The following BMPR2 variants were observed in gnomAD, a reference collection of about 807,000 sequenced individuals.
BMPR2 encodes the protein bone morphogenetic protein receptor type-2.
Under a neutral mutation model 100.8 loss-of-function variants are expected in BMPR2, and 29 were observed. The ratio of observed to expected loss-of-function variants is 0.29; its 90% CI spans 0.21 to 0.39. BMPR2 has a LOEUF of 0.39. Among genes scored for constraint, BMPR2 ranks in the 10% least tolerant of loss-of-function variants. The pLI is 1.00. For synonymous variants in BMPR2, 382 were observed against 442.3 expected, an observed-to-expected ratio of 0.86 and a Z score of 1.71; for missense variants, 1,011 against 1,274.5, an observed-to-expected ratio of 0.79 and a Z score of 3.15.
chr2:202,399,819 G>A (rs561518372), intron 1 of BMPR2, among the ~76,000 whole-genome samples: 36 of 152,290 alleles, frequency 2.4e-4, no homozygotes, highest in African/African-American at 8.2e-4. Flanking sequence ...GATTTAGAGT[G>A]TATAGTTGAG....
intron 3 of BMPR2, among the ~76,000 whole-genome samples, chr2:202,485,131 C>G (rs1300399643): frequency 6.6e-6 from 1 of 151,786 alleles, no homozygotes; most frequent in African/African-American, 2.4e-5. Context: ...CCAGCCAATG[C>G]CCTAATAGTT....
At chr2:202,513,362 A>G (rs1687657375) in intron 3 of BMPR2, among the ~76,000 whole-genome samples, 1 of 152,184 alleles carries the variant, frequency 6.6e-6, no homozygotes, top group Non-Finnish European at 1.5e-5. Flanking sequence ...ATTTTTATAA[A>G]TGAGGAAATT....
intron 1 of BMPR2, among the ~76,000 whole-genome samples, chr2:202,424,920 C>A (rs1691355253): frequency 6.6e-6 from 1 of 151,828 alleles, no homozygotes; most frequent in South Asian, 2.1e-4. Context: ...AAATTTAAGA[C>A]AACTTCAAGA....
intron 1 of BMPR2, among the ~76,000 whole-genome samples, chr2:202,415,523 GGCTTCAAA>G (rs1337350520): frequency 8.5e-5 from 13 of 152,120 alleles, no homozygotes; most frequent in African/African-American, 3.1e-4. Flanking sequence ...ATCAATGCCT[GGCTTCAAA>G]GCTTCAAAGG....
intron 1 of BMPR2, among the ~76,000 whole-genome samples, chr2:202,408,123 G>A (rs1347006010): frequency 6.6e-6 from 1 of 152,066 alleles, no homozygotes; most frequent in Non-Finnish European, 1.5e-5. Flanking sequence ...GTGAGCCACC[G>A]TGCCTGGGCT....
At chr2:202,546,489 C>A (rs1256571303) in intron 10 of BMPR2, among the ~76,000 whole-genome samples, 1 of 152,146 alleles carries the variant, frequency 6.6e-6, no homozygotes, top group African/African-American at 2.4e-5. Flanking sequence ...AAATGTTAAA[C>A]CATAGTTATC....
chr2:202,451,133 G>A (rs1691970334), intron 1 of BMPR2, among the ~76,000 whole-genome samples: 1 of 152,166 alleles, frequency 6.6e-6, no homozygotes, highest in African/African-American at 2.4e-5. Context: ...TGGGTGTTAT[G>A]TGACTCTTGT....
chr2:202,476,278 G>C (rs1370475555), intron 3 of BMPR2, among the ~76,000 whole-genome samples: 1 of 151,822 alleles, frequency 6.6e-6, no homozygotes. Context: ...CTCTCTTCCT[G>C]CCTTAACTGT....
At chr2:202,383,958 C>T (rs1044746259) in intron 1 of BMPR2, among the ~76,000 whole-genome samples, 14 of 151,814 alleles carry the variant, frequency 9.2e-5, no homozygotes, top group South Asian at 4.2e-4. Flanking sequence ...GATCAACTGA[C>T]GTTAGGAGTT....
chr2:202,492,700 C>CAAAAAAAAA (rs1166246933), intron 3 of BMPR2, among the ~76,000 whole-genome samples: 1 of 52,810 alleles, frequency 1.9e-5, no homozygotes, highest in Non-Finnish European at 3.1e-5. Context: ...AGCTCTGTCT[C>CAAAAAAAAA]AAAAAAAAAA....
At chr2:202,542,592 T>C in intron 10 of BMPR2, 145 bp downstream of exon 10, 2 of 1,073,280 alleles carry the variant, frequency 1.9e-6, no homozygotes, top group South Asian at 3.1e-5. Flanking sequence ...TATGATGTTT[T>C]CAAATTTTTC....
intron 10 of BMPR2, among the ~76,000 whole-genome samples, chr2:202,543,631 T>A (rs1325929891): frequency 2.0e-5 from 3 of 152,118 alleles, no homozygotes; most frequent in Non-Finnish European, 4.4e-5. Context: ...TCTTTTGGGT[T>A]TTTTCTCTTC....
chr2:202,412,599 G>A (rs970833419), intron 1 of BMPR2, among the ~76,000 whole-genome samples: 5 of 152,144 alleles, frequency 3.3e-5, no homozygotes, highest in Non-Finnish European at 7.4e-5. Context: ...GATTACAGGC[G>A]TGAGCCACCG....
intron 1 of BMPR2, among the ~76,000 whole-genome samples, chr2:202,464,196 T>C (rs45442097): frequency 0.16 from 23,956 of 150,008 alleles, 2,317 homozygotes; most frequent in Middle Eastern, 0.23. Flanking sequence ...TTTTTTTTAT[T>C]GAAGTATAAT....
chr2:202,467,487 G>A, intron 2 of BMPR2, 32 bp from the exon 3 acceptor site: 2 of 1,517,184 alleles, frequency 1.3e-6, no homozygotes, highest in Non-Finnish European at 1.8e-6. Flanking sequence ...TTATCATATT[G>A]TCTCCTTTTT....
rs1391997932 is a variant in BMPR2 at position 202,376,977 on chromosome 2, A to G, written c.-498A>G. 4.5e-6 allele frequency: 2 copies of G among 445,912 alleles called. No individual in the cohort carries two copies. Among genetic ancestry groups the G allele is most frequent in the Non-Finnish European group, 7.8e-6 (2 of 254,986 alleles). 27.6% of individuals were successfully genotyped at this position (445,912 alleles called of 1,614,324 possible). Reference sequence around the variant, plus strand: ...AACTTAAGGAATCCTGCCTTCCCGGAGCCGCGGGCGATGCGACTAGGGCTG... The same window carrying G: ...AACTTAAGGAATCCTGCCTTCCCGGGGCCGCGGGCGATGCGACTAGGGCTG... On this transcript the variant is annotated 5_prime_UTR_variant, in exon 1 of 13. Transcript: ENST00000374580.
chr2:202,436,182 A>G (rs554013045), intron 1 of BMPR2, among the ~76,000 whole-genome samples: 1 of 150,980 alleles, frequency 6.6e-6, no homozygotes, highest in African/African-American at 2.5e-5. Flanking sequence ...GGCTAGGCAC[A>G]GTGGCTTACG....
intron 3 of BMPR2, among the ~76,000 whole-genome samples, chr2:202,496,882 C>T (rs2105986933): frequency 6.6e-6 from 1 of 152,374 alleles, no homozygotes; most frequent in Admixed American, 6.5e-5. Flanking sequence ...CCGGAGCCCA[C>T]TCCTTCAGCT....
chr2:202,477,988 C>T (rs1692584662), intron 3 of BMPR2, among the ~76,000 whole-genome samples: 1 of 152,120 alleles, frequency 6.6e-6, no homozygotes, highest in African/African-American at 2.4e-5. Flanking sequence ...AACCAATATT[C>T]ACAGTGCTTT....
Sources: gnomAD v4.1 joint callset for allele counts (sites outside exome capture counted in the v4.1 genomes callset) on GRCh38, gnomAD v4.1.1 for gene constraint, MANE v1.5 for transcripts, NCBI Gene and HGNC (gene_info 2026-07-23, HGNC 2026-07-21) for gene names.